MDGA2: variants seen among roughly 807,000 people sequenced by gnomAD.
The protein encoded by MDGA2 is MAM domain-containing glycosylphosphatidylinositol anchor protein 2.
Under a neutral mutation model 117.8 loss-of-function variants are expected in MDGA2, and 40 were observed. The observed-to-expected ratio is 0.34, with a 90% CI of 0.26 to 0.44. The LOEUF (loss-of-function observed/expected upper bound fraction) is 0.44. Ranked by LOEUF, MDGA2 falls within the 20% of genes least tolerant of loss-of-function variation. The pLI, the probability that MDGA2 is intolerant of heterozygous loss-of-function variation, is 1.00. For synonymous variants in MDGA2, 452 were observed against 439.0 expected, an observed-to-expected ratio of 1.03 and a Z score of -0.37; for missense variants, 1,123 against 1,250.6, an observed-to-expected ratio of 0.90 and a Z score of 1.54.
intron 3 of MDGA2, among the ~76,000 whole-genome samples, chr14:47,158,363 G>GGTGGGT (rs1555358938): frequency 1.4e-5 from 2 of 146,682 alleles, no homozygotes; most frequent in African/African-American, 5.1e-5. Flanking sequence ...CCCTGGGGTG[G>GGTGGGT]GTGTGTGTGT....
At chr14:47,295,931 A>AAGATAGAC (rs1555370963) in intron 2 of MDGA2, among the ~76,000 whole-genome samples, 1 of 132,540 alleles carries the variant, frequency 7.5e-6, no homozygotes, top group South Asian at 2.4e-4. Flanking sequence ...GATAGATGAT[A>AAGATAGAC]AGATAGATAG....
At chr14:47,182,180 ATACTC>A (rs1884735977) in intron 3 of MDGA2, among the ~76,000 whole-genome samples, 1 of 152,124 alleles carries the variant, frequency 6.6e-6, no homozygotes, top group Non-Finnish European at 1.5e-5. Flanking sequence ...TTTATATAGA[ATACTC>A]TAAAGGGGTA....
intron 8 of MDGA2, among the ~76,000 whole-genome samples, chr14:46,993,922 T>C (rs746394237): frequency 7.2e-5 from 11 of 152,140 alleles, no homozygotes; most frequent in Non-Finnish European, 1.3e-4. Context: ...GATACAAGTG[T>C]CTTTGCTTAG....
At chr14:47,518,448 T>G (rs1894800597) in intron 1 of MDGA2, among the ~76,000 whole-genome samples, 2 of 152,228 alleles carry the variant, frequency 1.3e-5, no homozygotes, top group Non-Finnish European at 1.5e-5. Flanking sequence ...TATAAGATAC[T>G]AATTAATTGC....
chr14:47,564,730 C>A (rs1471895768), intron 1 of MDGA2, among the ~76,000 whole-genome samples: 2 of 152,180 alleles, frequency 1.3e-5, no homozygotes, highest in Non-Finnish European at 2.9e-5. Flanking sequence ...TGTTTTCTCT[C>A]CCTCTCTGTC....
At position 46,970,826 on chromosome 14, in the gene MDGA2, A is replaced by T. The variant is rs547647010; in HGVS notation, c.1820-13183T>A. ...GGATAATATCTAGAATATACAAAGA[A>T]CCCAAATAACTCAATAATTTTTTAA... On this transcript the variant is annotated intron_variant, in intron 8 of 16. Transcript: ENST00000399232. 6.6e-5 allele frequency among the ~76,000 whole-genome samples: 10 copies of T among 152,242 alleles called. No homozygotes were observed. The South Asian group carries it at 1.9e-3, about 28-fold the overall frequency.
chr14:47,228,508 G>T (rs1886583388), intron 2 of MDGA2, among the ~76,000 whole-genome samples: 1 of 152,122 alleles, frequency 6.6e-6, no homozygotes, highest in African/African-American at 2.4e-5. Context: ...TGTGTTAGAT[G>T]ATTTTGCCCA....
intron 1 of MDGA2, among the ~76,000 whole-genome samples, chr14:47,355,925 G>A (rs1427109599): frequency 6.6e-6 from 1 of 152,106 alleles, no homozygotes; most frequent in Non-Finnish European, 1.5e-5. Flanking sequence ...TGTCTTTTCT[G>A]CTCTCAACCA....
intron 7 of MDGA2, among the ~76,000 whole-genome samples, chr14:47,054,562 G>A (rs1294679468): frequency 6.7e-6 from 1 of 149,510 alleles, no homozygotes; most frequent in Admixed American, 6.8e-5. Context: ...GAGAACATGA[G>A]GTGTTTGGTT....
At chr14:46,924,367 C>T (rs187996465) in intron 9 of MDGA2, among the ~76,000 whole-genome samples, 70 of 151,666 alleles carry the variant, frequency 4.6e-4, no homozygotes, top group African/African-American at 1.6e-3. Flanking sequence ...AAAATGTGCT[C>T]GGATAAAGGA....
chr14:46,961,593 T>G (rs1042496288), intron 8 of MDGA2, among the ~76,000 whole-genome samples: 6 of 152,206 alleles, frequency 3.9e-5, no homozygotes, highest in African/African-American at 1.4e-4. Flanking sequence ...AAAAAGTAGT[T>G]AAGCTTATCT....
At chr14:47,426,921 G>A (rs1358881054) in intron 1 of MDGA2, among the ~76,000 whole-genome samples, 1 of 151,874 alleles carries the variant, frequency 6.6e-6, no homozygotes, top group Non-Finnish European at 1.5e-5. Flanking sequence ...CATATTGTGA[G>A]TTGTGAGTTA....
chr14:46,875,064 C>A (rs1882170885), intron 12 of MDGA2, among the ~76,000 whole-genome samples: 1 of 151,714 alleles, frequency 6.6e-6, no homozygotes, highest in African/African-American at 2.4e-5. Context: ...AGCCTCATAA[C>A]AACTCTGTGA....
chr14:47,192,399 G>A (rs1179401365), intron 3 of MDGA2, among the ~76,000 whole-genome samples: 2 of 152,118 alleles, frequency 1.3e-5, no homozygotes, highest in Non-Finnish European at 2.9e-5. Context: ...TGGATCGCTT[G>A]AGCTCAGGAG....
At chr14:47,412,308 T>G (rs1004916159) in intron 1 of MDGA2, among the ~76,000 whole-genome samples, 2 of 151,772 alleles carry the variant, frequency 1.3e-5, no homozygotes, top group African/African-American at 4.8e-5. Flanking sequence ...AGAGATAGGG[T>G]CTCGTTCAGC....
chr14:47,093,810 A>C (rs1205038449), intron 6 of MDGA2, among the ~76,000 whole-genome samples: 1 of 152,086 alleles, frequency 6.6e-6, no homozygotes, highest in African/African-American at 2.4e-5. Context: ...CTACACTCTT[A>C]TGCTGTGCAT....
At chr14:47,295,823 G>A (rs1466151957) in intron 2 of MDGA2, among the ~76,000 whole-genome samples, 2 of 152,048 alleles carry the variant, frequency 1.3e-5, no homozygotes, top group African/African-American at 2.4e-5. Flanking sequence ...AGAATCACTT[G>A]AACCCAAGAG....
chr14:47,358,622 T>C (rs2138364252), intron 1 of MDGA2, among the ~76,000 whole-genome samples: 1 of 152,260 alleles, frequency 6.6e-6, no homozygotes, highest in African/African-American at 2.4e-5. Context: ...AGTTGCAGGA[T>C]GAAAAATCAA....
intron 1 of MDGA2, among the ~76,000 whole-genome samples, chr14:47,636,787 A>C (rs1897330325): frequency 3.6e-5 from 1 of 27,842 alleles, no homozygotes; most frequent in Non-Finnish European, 1.2e-4. Context: ...TCCGTCTCAA[A>C]AAAAAAAAAA....
Sources: allele counts gnomAD v4.1 joint callset (sites outside exome capture counted in the v4.1 genomes callset), GRCh38; gene constraint gnomAD v4.1.1; transcripts MANE v1.5; gene names NCBI Gene and HGNC (gene_info 2026-07-23, HGNC 2026-07-21).